ING3: variants seen among roughly 807,000 people sequenced by gnomAD.
ING3 encodes the protein inhibitor of growth protein 3.
In ING3, 6 loss-of-function variants were observed where a neutral mutation model predicts 64.8. The observed-to-expected ratio is 0.09, with a 90% CI of 0.05 to 0.18. ING3 has a LOEUF of 0.18. ING3 is among the 10% of genes least tolerant of loss of function. The probability of loss-of-function intolerance (pLI) is 1.00; values close to 1 mark genes in which losing one functional copy is unlikely to be tolerated. For synonymous variants in ING3, 170 were observed against 173.7 expected (o/e 0.98, Z 0.17); for missense variants, 310 against 489.7 (o/e 0.63, Z 3.46).
Position 120,970,696 on chromosome 7 carries a change from A to G in ING3, c.917A>G (p.Asn306Ser). Residue 306 changes from asparagine to serine, a missense_variant, in exon 10 of 12, where the codon AAC (asparagine) becomes AGC (serine). By Grantham distance (46) the Asn-to-Ser change is conservative. Transcript: ENST00000315870. Reference sequence around the variant, plus strand: ...TATACTATTTTTTTCAGAAACAACAACAAGTCTTCAAGCCAGCAGTCATCA... The same window carrying G: ...TATACTATTTTTTTCAGAAACAACAGCAAGTCTTCAAGCCAGCAGTCATCA... Reference protein sequence around the residue: ...SRSGRKSKNNNKSSSQQSSSS... With the variant: ...SRSGRKSKNNSKSSSQQSSSS... 6.2e-7 allele frequency: 1 copy of G among 1,613,814 alleles called. No individual in the cohort carries two copies. The highest frequency in any genetic ancestry group is 8.5e-7 in the Non-Finnish European group (1 of 1,179,824).
chr7:120,959,630 A>ATTTTTTTTTTTTTTTTTTTTTTT (rs397889009), intron 4 of ING3, among the ~76,000 whole-genome samples: 1 of 55,676 alleles, frequency 1.8e-5, no homozygotes, highest in African/African-American at 7.3e-5. Context: ...ACTTCCTCAC[A>ATTTTTTTTTTTTTTTTTTTTTTT]TTTTTTTTTT....
chr7:120,959,763 A>G (rs915983681), intron 4 of ING3, among the ~76,000 whole-genome samples: 1 of 145,076 alleles, frequency 6.9e-6, no homozygotes, highest in African/African-American at 2.6e-5. Flanking sequence ...CTCCTGCCTC[A>G]GCCTCCCGAG....
intron 9 of ING3, 52 bp from the exon 10 acceptor site, chr7:120,970,636 C>G: frequency 6.4e-7 from 1 of 1,567,814 alleles, no homozygotes. Context: ...AGGAGTTATT[C>G]TCAGTTAACT....
intron 8 of ING3, 81 bp from the exon 9 acceptor site, chr7:120,968,930 T>A (rs1286975712): frequency 3.8e-6 from 3 of 780,384 alleles, no homozygotes; most frequent in Non-Finnish European, 3.8e-6. Context: ...TAAACCAAAA[T>A]AAAACTATAA....
At chr7:120,967,903 C>T (rs1351818098) in intron 7 of ING3, 31 bp from the exon 8 acceptor site, 1 of 1,608,404 alleles carries the variant, frequency 6.2e-7, no homozygotes. Context: ...TTCTCTGCAA[C>T]CATTTTTATT....
chr7:120,954,612 T>C (rs910321612), intron 3 of ING3, among the ~76,000 whole-genome samples: 1 of 152,192 alleles, frequency 6.6e-6, no homozygotes, highest in East Asian at 1.9e-4. Flanking sequence ...GGACATGTGT[T>C]TGTGAGTAAA....
chr7:120,956,119 A>G (rs1400094620), intron 4 of ING3: 3 of 1,371,742 alleles, frequency 2.2e-6, no homozygotes, highest in Non-Finnish European at 2.1e-6. Flanking sequence ...TGTTTAAGCA[A>G]TACAAGATGA....
chr7:120,967,719 G>C, intron 7 of ING3, 71 bp downstream of exon 7: 1 of 1,452,658 alleles, frequency 6.9e-7, no homozygotes, highest in Non-Finnish European at 9.3e-7. Flanking sequence ...AAGTGTTTCA[G>C]GATTAATGAA....
At chr7:120,956,663 A>G in intron 4 of ING3, 4 of 986,776 alleles carry the variant, frequency 4.1e-6, no homozygotes, top group Non-Finnish European at 4.8e-6. Context: ...AATAGGCTGT[A>G]GCTTGATTTA....
At chr7:120,969,338 C>T (rs1796038544) in intron 9 of ING3, 134 bp downstream of exon 9, 1 of 526,228 alleles carries the variant, frequency 1.9e-6, no homozygotes, top group Non-Finnish European at 3.1e-6. Flanking sequence ...GGGAGACATG[C>T]GGTTTTCATT....
At chr7:120,971,008 C>A in intron 10 of ING3, 128 bp downstream of exon 10, 1 of 1,010,754 alleles carries the variant, frequency 9.9e-7, no homozygotes, top group Non-Finnish European at 1.4e-6. Context: ...TTTTCTCCCC[C>A]TTCTTACAAA....
At chr7:120,958,572 C>T (rs1795885165) in intron 4 of ING3, among the ~76,000 whole-genome samples, 2 of 152,206 alleles carry the variant, frequency 1.3e-5, no homozygotes, top group South Asian at 4.1e-4. Context: ...TTTTATCAGC[C>T]CTTTCCTATT....
intron 3 of ING3, 101 bp from the exon 4 acceptor site, chr7:120,955,458 T>A: frequency 1.3e-6 from 1 of 786,702 alleles, no homozygotes; most frequent in Non-Finnish European, 2.0e-6. Context: ...GTAGGATGAC[T>A]GTGATAACAA....
At chr7:120,973,715 G>GCCAC in intron 11 of ING3, among the ~76,000 whole-genome samples, 1 of 152,270 alleles carries the variant, frequency 6.6e-6, no homozygotes, top group South Asian at 2.1e-4. Context: ...GCTGATAAGA[G>GCCAC]CCACCCCTGA....
chr7:120,950,829 C>T lies in ING3; in HGVS notation c.-68C>T. On this transcript the variant is annotated 5_prime_UTR_variant, in exon 1 of 12. Transcript: ENST00000315870. ...AGGCGCCATATTGGAGGGGACAAAA[C>T]TCCGGCGACAGCGAGTGACACAAAT... The T allele has an allele frequency of 7.4e-7, 1 of 1,349,298 alleles. No homozygotes were observed. The highest frequency in any genetic ancestry group is 9.9e-7 in the Non-Finnish European group (1 of 1,005,630). The allele number at this position is 1,349,298 out of a possible 1,614,324, so 83.6% of individuals were successfully genotyped here.
chr7:120,961,990 A>G (rs534019698), intron 4 of ING3, among the ~76,000 whole-genome samples: 165 of 152,336 alleles, frequency 1.1e-3, no homozygotes, highest in African/African-American at 3.9e-3. Context: ...GAGGTAACTT[A>G]CATCCTTGCT....
rs1021491437 is a variant in ING3, at chr7:120,967,895, C to T, written c.557-39C>T. ...AATTTAGACTCACTAACATTATGTTCTCTGCAACCATTTTTATTTCTTTTT... is the reference window on the plus strand; with the variant it reads ...AATTTAGACTCACTAACATTATGTTTTCTGCAACCATTTTTATTTCTTTTT... On this transcript the variant is annotated intron_variant, in intron 7 of 11. Coordinates refer to ENST00000315870, the MANE Select transcript of ING3 (RefSeq NM_019071.3). 3 of 1,603,000 alleles carry T rather than the reference C, an allele frequency of 1.9e-6. No homozygotes were observed. The Admixed American group carries it at 5.0e-5, about 27-fold the overall frequency.
chr7:120,970,660 C>G (rs1796059252), intron 9 of ING3, 28 bp from the exon 10 acceptor site: 20 of 1,609,098 alleles, frequency 1.2e-5, no homozygotes, highest in Non-Finnish European at 1.6e-5. Flanking sequence ...GGATGGTGAG[C>G]AAATAAAACT....
rs774468293 is a variant in ING3, at chr7:120,964,801, A to T, written c.327A>T (p.Glu109Asp). 1 of 1,613,618 alleles carries T rather than the reference A, an allele frequency of 6.2e-7. No individual in the cohort carries two copies. The highest frequency in any genetic ancestry group is 8.5e-7 in the Non-Finnish European group (1 of 1,179,678). ...QELAKFKMEL[E>D]ADNAGITEIL... is the part of the protein sequence containing the mutation. ...TGGCTAAGTTTAAAATGGAGCTGGA[A>T]GCTGATAATGCTGGAATTACAGAAA... The change falls in exon 5 of 12, where the codon GAA (glutamate) becomes GAT (aspartate). Residue 109 changes from glutamate (E) to aspartate (D), a missense_variant. Around this residue, in one of 3 missense-constraint regions of ING3, gnomAD observed 233 missense variants for 289.4 expected, o/e 0.81. Coordinates refer to ENST00000315870, the MANE Select transcript of ING3 (RefSeq NM_019071.3).
Sources: allele counts gnomAD v4.1 joint callset (sites outside exome capture counted in the v4.1 genomes callset), GRCh38; gene constraint gnomAD v4.1.1; regional missense constraint gnomAD v4.1.1; transcripts MANE v1.5; gene names NCBI Gene and HGNC (gene_info 2026-07-23, HGNC 2026-07-21).